Variants in CUX1 observed in about 807,000 individuals in gnomAD.
CUX1 encodes the protein protein CASP.
In CUX1, 31 loss-of-function variants were observed where a neutral mutation model predicts 158.8. That is an observed-to-expected ratio of 0.20 (90% CI 0.15 to 0.26). The LOEUF (loss-of-function observed/expected upper bound fraction) is 0.26. Among genes scored for constraint, CUX1 ranks in the 10% least tolerant of loss-of-function variants. The probability of loss-of-function intolerance (pLI) is 1.00; values close to 1 mark genes in which losing one functional copy is unlikely to be tolerated. For missense variants in CUX1, 1,589 were observed against 2,014.6 expected (o/e 0.79, Z 4.04); for synonymous variants, 879 against 862.1 (o/e 1.02, Z -0.34).
intron 8 of CUX1, among the ~76,000 whole-genome samples, chr7:102,151,579 A>G (rs1385084975): frequency 1.3e-5 from 2 of 151,442 alleles, no homozygotes; most frequent in African/African-American, 2.4e-5. Flanking sequence ...AAAATACAAA[A>G]ATTAGCTGTG....
At chr7:101,972,447 T>C (rs535240442) in intron 2 of CUX1, among the ~76,000 whole-genome samples, 2 of 152,340 alleles carry the variant, frequency 1.3e-5, no homozygotes, top group African/African-American at 4.8e-5. Flanking sequence ...GGACGGCATC[T>C]GACCTGGCTA....
intron 11 of CUX1, among the ~76,000 whole-genome samples, chr7:102,185,890 T>G (rs1161669829): frequency 1.3e-5 from 2 of 152,318 alleles, no homozygotes; most frequent in East Asian, 1.9e-4. Context: ...GAGATTTTTT[T>G]CTTTCTTTGG....
At chr7:102,117,939 T>A (rs1831608707) in intron 8 of CUX1, among the ~76,000 whole-genome samples, 1 of 152,152 alleles carries the variant, frequency 6.6e-6, no homozygotes, top group Admixed American at 6.6e-5. Flanking sequence ...AATGTAATAG[T>A]TCCCAGAGTA....
chr7:102,002,747 A>G (rs1298443869), intron 2 of CUX1, among the ~76,000 whole-genome samples: 8 of 152,112 alleles, frequency 5.3e-5, no homozygotes, highest in Non-Finnish European at 4.4e-5. Flanking sequence ...TGCTCTCTGC[A>G]GATCTGTGAG....
intron 2 of CUX1, among the ~76,000 whole-genome samples, chr7:101,925,606 T>C (rs1483363404): frequency 6.6e-6 from 1 of 152,154 alleles, no homozygotes; most frequent in Non-Finnish European, 1.5e-5. Flanking sequence ...TTGTATGGTA[T>C]ATAAATTATA....
rs1161237288 is a variant in CUX1 at position 102,257,924 on chromosome 7, G to A, written c.*8882G>A. The A allele has an allele frequency of 9.5e-6, 9 of 949,008 alleles. No individual in the cohort carries two copies. Among genetic ancestry groups the A allele is most frequent in the African/African-American group, 8.8e-5 (4 of 45,698 alleles). 58.8% of individuals were successfully genotyped at this position (949,008 alleles called of 1,614,324 possible). A position where few individuals can be genotyped will look rare whatever the true frequency, so the allele number is the denominator to read the frequency against. ...TTTTTTTTTTTTTTTTGTACAAATCGCTTTGAGATGCCTCTGGTGTGTTGC... is the reference window on the plus strand; with the variant it reads ...TTTTTTTTTTTTTTTTGTACAAATCACTTTGAGATGCCTCTGGTGTGTTGC... On this transcript the variant is annotated 3_prime_UTR_variant, in exon 24 of 24. Coordinates refer to ENST00000292535, the MANE Select transcript of CUX1 (RefSeq NM_181552.4).
intron 2 of CUX1, among the ~76,000 whole-genome samples, chr7:101,955,626 G>C (rs547223968): frequency 5.9e-5 from 9 of 152,298 alleles, no homozygotes; most frequent in Non-Finnish European, 1.2e-4. Context: ...TCCTGAGCCA[G>C]TTCAGAAGTC....
In CUX1 at chr7:102,243,005, A is replaced by G. The variant is rs543821194; in HGVS notation, c.3887+3421A>G. Among the ~76,000 whole-genome samples the G allele has an allele frequency of 8.5e-5, 13 of 152,232 alleles. No homozygotes were observed. In the East Asian group the frequency reaches 2.1e-3, roughly 25 times the overall value. On this transcript the variant is annotated intron_variant, in intron 23 of 23. Transcript: ENST00000292535. ...ATCACAGGTCTGGGCTGGGTGTGGT[A>G]GCTTATGCCCGTAATCCTAGCACTT...
At position 102,250,408 on chromosome 7, in the gene CUX1, C is replaced by T. The variant is rs1257587490; in HGVS notation, c.*1366C>T. On this transcript the variant is annotated 3_prime_UTR_variant, in exon 24 of 24. Coordinates refer to ENST00000292535, the MANE Select transcript of CUX1 (RefSeq NM_181552.4). ...CTCCTGGATACCTGATGAACTGAGCCCTCCCAGGGGAAGACACTCCCCAGG... is the reference window on the plus strand; with the variant it reads ...CTCCTGGATACCTGATGAACTGAGCTCTCCCAGGGGAAGACACTCCCCAGG... 8 of 985,386 alleles carry T rather than the reference C, an allele frequency of 8.1e-6. No homozygotes were observed. The Admixed American group carries it at 4.9e-4, about 61-fold the overall frequency. The allele number at this position is 985,386 out of a possible 1,614,324, so 61.0% of individuals were successfully genotyped here. A position where few individuals can be genotyped will look rare whatever the true frequency, so the allele number is the denominator to read the frequency against.
intron 2 of CUX1, among the ~76,000 whole-genome samples, chr7:101,994,774 C>T (rs2129253849): frequency 6.6e-6 from 1 of 152,038 alleles, no homozygotes; most frequent in Middle Eastern, 3.4e-3. Flanking sequence ...TTCAAGAACT[C>T]AGTCATCTCA....
chr7:102,191,176 G>C (rs1367111508), intron 12 of CUX1, among the ~76,000 whole-genome samples: 1 of 152,128 alleles, frequency 6.6e-6, no homozygotes, highest in Non-Finnish European at 1.5e-5. Flanking sequence ...GCACCTCCTC[G>C]GACAGACCCC....
At chr7:102,042,930 T>C (rs1249310124) in intron 3 of CUX1, among the ~76,000 whole-genome samples, 1 of 100,798 alleles carries the variant, frequency 9.9e-6, no homozygotes, top group East Asian at 2.0e-4. Context: ...GTTAGGACTA[T>C]AGGCTCCTGG....
intron 1 of CUX1, among the ~76,000 whole-genome samples, chr7:101,833,748 C>G (rs1794318899): frequency 6.6e-6 from 1 of 151,946 alleles, no homozygotes; most frequent in Non-Finnish European, 1.5e-5. Flanking sequence ...GGCATCAGAC[C>G]CTAAAACAGA....
chr7:102,223,361 G>T (rs1798026300), intron 20 of CUX1, among the ~76,000 whole-genome samples: 2 of 152,140 alleles, frequency 1.3e-5, no homozygotes, highest in South Asian at 4.1e-4. Flanking sequence ...CATGTGTCAG[G>T]CATTGTGGGA....
intron 20 of CUX1, among the ~76,000 whole-genome samples, chr7:102,207,061 G>A (rs1180665065): frequency 2.6e-5 from 4 of 152,126 alleles, no homozygotes; most frequent in South Asian, 2.1e-4. Context: ...GTGCTGGAAC[G>A]TTTGTACAAC....
At chr7:102,183,599 T>G (rs1457627489) in intron 11 of CUX1, among the ~76,000 whole-genome samples, 1 of 152,010 alleles carries the variant, frequency 6.6e-6, no homozygotes, top group Non-Finnish European at 1.5e-5. Flanking sequence ...GAAGAGGAGG[T>G]GCATGCTGCC....
chr7:102,205,156 G>C lies in CUX1; in HGVS notation c.3116G>C (p.Gly1039Ala). The change falls in exon 20 of 24, where the codon GGC becomes GCC. Residue 1039 changes from glycine (G) to alanine (A), a missense_variant. By Grantham distance (60) the Gly-to-Ala change is moderately conservative. Around this residue, in one of 8 missense-constraint regions of CUX1, gnomAD observed 259 missense variants for 373.8 expected, o/e 0.69. Coordinates refer to ENST00000292535, the MANE Select transcript of CUX1 (RefSeq NM_181552.4). Reference protein sequence around the residue: ...VTSLQDPLQQGCVSSESTPKT... With the variant: ...VTSLQDPLQQACVSSESTPKT... ...TCGCTCCAGGACCCGCTGCAGCAGG[G>C]CTGTGTGAGCTCAGGTAAGCAGCCA... The C allele has an allele frequency of 6.2e-7, 1 of 1,610,920 alleles. No individual in the cohort carries two copies. The highest frequency in any genetic ancestry group is 2.2e-5 in the East Asian group (1 of 44,874).
chr7:102,255,592 A>G lies in CUX1; in HGVS notation c.*6550A>G. 1 of 985,380 alleles carries G rather than the reference A, an allele frequency of 1.0e-6. No homozygotes were observed. Among genetic ancestry groups the G allele is most frequent in the Non-Finnish European group, 1.2e-6 (1 of 829,886 alleles). 61.0% of individuals were successfully genotyped at this position (985,380 alleles called of 1,614,324 possible). ...CTGTAGTGTTTACGCTTTAATTTCT[A>G]CCACAAAATATGCTATATGCTATGT... On this transcript the variant is annotated 3_prime_UTR_variant, in exon 24 of 24. Transcript: ENST00000292535.
At chr7:101,984,986 C>G (rs565397243) in intron 2 of CUX1, among the ~76,000 whole-genome samples, 1 of 151,894 alleles carries the variant, frequency 6.6e-6, no homozygotes, top group Non-Finnish European at 1.5e-5. Context: ...TTATTGGGGC[C>G]CTGGTTTTAT....
Sources: gnomAD v4.1 joint callset for allele counts (sites outside exome capture counted in the v4.1 genomes callset) on GRCh38, gnomAD v4.1.1 for gene constraint, gnomAD v4.1.1 regional missense constraint, MANE v1.5 for transcripts, NCBI Gene and HGNC (gene_info 2026-07-23, HGNC 2026-07-21) for gene names.